TENM2: variants seen among roughly 807,000 people sequenced by gnomAD.
The protein encoded by TENM2 is teneurin-2.
TENM2 carries 52 observed loss-of-function variants against 245.2 expected under a neutral mutation model. That is an observed-to-expected ratio of 0.21 (90% CI 0.17 to 0.27). The LOEUF (loss-of-function observed/expected upper bound fraction) is 0.27. Ranked by LOEUF, TENM2 falls within the 10% of genes least tolerant of loss-of-function variation. The probability of loss-of-function intolerance (pLI) is 1.00; values close to 1 mark genes in which losing one functional copy is unlikely to be tolerated. For synonymous variants in TENM2, 1,363 were observed against 1,438.9 expected (o/e 0.95, Z 1.19); for missense variants, 3,046 against 3,666.8 (o/e 0.83, Z 4.37).
chr5:167,134,075 G>T, the TENM2 span, among the ~76,000 whole-genome samples: 1 of 152,066 alleles, frequency 6.6e-6, no homozygotes. Context: ...AGTCATCAAA[G>T]ATAATAGTGC....
chr5:167,406,871 A>AC (rs911287841), intron 2 of TENM2, among the ~76,000 whole-genome samples: 2 of 152,172 alleles, frequency 1.3e-5, no homozygotes, highest in African/African-American at 4.8e-5. Flanking sequence ...CATTTTAATT[A>AC]CCAGGCCACT....
At chr5:167,264,678 C>T in the TENM2 span, among the ~76,000 whole-genome samples, 3 of 152,148 alleles carry the variant, frequency 2.0e-5, no homozygotes, top group Admixed American at 1.3e-4. Context: ...TATTTTTATG[C>T]GTCCGCTGCC....
rs545637401 is a variant in TENM2, at chr5:168,063,040, T to C, written c.1515+775T>C. On this transcript the variant is annotated intron_variant, in intron 7 of 28. Transcript: ENST00000518659. ...TCGTATGAATTTTATCTCCAAAAAATAAATGCTAATATCCCAACCTGATGA... is the reference window on the plus strand; with the variant it reads ...TCGTATGAATTTTATCTCCAAAAAACAAATGCTAATATCCCAACCTGATGA... Among the ~76,000 whole-genome samples, 290 of 152,300 alleles carry C rather than the reference T, an allele frequency of 1.9e-3. 3 individuals carry two copies. The highest frequency in any genetic ancestry group is 5.7e-3 in the African/African-American group (235 of 41,572).
the TENM2 span, among the ~76,000 whole-genome samples, chr5:166,980,240 T>C: frequency 6.6e-6 from 1 of 152,172 alleles, no homozygotes; most frequent in Non-Finnish European, 1.5e-5. Flanking sequence ...AATTTAGGGC[T>C]ATGGAGAAAG....
Position 167,350,993 on chromosome 5 carries a change from TGGATTATATAC to T in TENM2, c.227-24204_227-24194del, listed in dbSNP as rs1214036921. On this transcript the variant is annotated intron_variant, in intron 1 of 28. Transcript: ENST00000518659. ...GGGTATATACATATGGATATATATA[TGGATTATATAC>T]ATATGGATATATATATATGGGATAT... Among the ~76,000 whole-genome samples, 743 of 93,342 alleles carry T rather than the reference TGGATTATATAC, an allele frequency of 8.0e-3. 8 individuals are homozygous for T. Among genetic ancestry groups the T allele is most frequent in the Non-Finnish European group, 0.012 (531 of 43,108 alleles). 61.2% of individuals were successfully genotyped at this position (93,342 alleles called of 152,430 possible).
At chr5:168,151,287 C>T (rs922099516) in intron 12 of TENM2, among the ~76,000 whole-genome samples, 2 of 152,196 alleles carry the variant, frequency 1.3e-5, no homozygotes, top group Non-Finnish European at 2.9e-5. Context: ...TTTTCATTTA[C>T]GTCTTTGGAG....
chr5:168,143,123 A>C lies in TENM2; in HGVS notation c.2422+16157A>C, dbSNP rs141462251. ...AGCCAAGGGGCTCACCAAGTAAATA[A>C]AGGGTTTCTCTTGAGTTTTGGAGCA... is the stretch of plus-strand genomic sequence containing the variant. On this transcript the variant is annotated intron_variant, in intron 12 of 28. Transcript: ENST00000518659. Among the ~76,000 whole-genome samples, 256 of 152,202 alleles carry C rather than the reference A, an allele frequency of 1.7e-3. 1 individual carries two copies. The highest frequency in any genetic ancestry group is 0.01 in the Middle Eastern group (3 of 294).
At chr5:168,058,772 C>T (rs554017440) in intron 6 of TENM2, among the ~76,000 whole-genome samples, 46 of 152,332 alleles carry the variant, frequency 3.0e-4, no homozygotes, top group Non-Finnish European at 6.0e-4. Context: ...TGCTTTCCCA[C>T]ATAGTTTTTC....
intron 2 of TENM2, among the ~76,000 whole-genome samples, chr5:167,526,648 T>C (rs182873822): frequency 1.2e-4 from 19 of 152,264 alleles, no homozygotes; most frequent in African/African-American, 4.6e-4. Flanking sequence ...TACATGCCAG[T>C]ATATTAATAC....
intron 2 of TENM2, among the ~76,000 whole-genome samples, chr5:167,382,450 T>A (rs1442381110): frequency 6.6e-6 from 1 of 152,128 alleles, no homozygotes; most frequent in Non-Finnish European, 1.5e-5. Flanking sequence ...ACAGCGAGTG[T>A]TCCACAAACC....
intron 12 of TENM2, among the ~76,000 whole-genome samples, chr5:168,144,190 A>G (rs1307705800): frequency 2.0e-5 from 3 of 147,696 alleles, no homozygotes; most frequent in Non-Finnish European, 4.5e-5. Context: ...TTTTTTTTTT[A>G]TTATTATACT....
At chr5:167,442,527 T>C (rs1764930886) in intron 2 of TENM2, among the ~76,000 whole-genome samples, 1 of 152,094 alleles carries the variant, frequency 6.6e-6, no homozygotes, top group Non-Finnish European at 1.5e-5. Flanking sequence ...CCCATGATCT[T>C]ACCAACACTT....
rs564733061 is a variant in TENM2 at position 167,454,952 on chromosome 5, C to T, written c.502+79479C>T. ...TGCTTCTTCAAGGGGAAGTGAAATG[C>T]TGTTACCAGAAATAAGGGAGAGAGT... On this transcript the variant is annotated intron_variant, in intron 2 of 28. Transcript: ENST00000518659. Among the ~76,000 whole-genome samples the T allele has an allele frequency of 3.3e-5, 5 of 152,296 alleles. 1 individual carries two copies. The South Asian group carries it at 8.3e-4, about 25-fold the overall frequency.
the TENM2 span, among the ~76,000 whole-genome samples, chr5:167,123,306 C>T: frequency 2.0e-5 from 3 of 152,104 alleles, no homozygotes. Flanking sequence ...GGGCTTAGAG[C>T]AATAGAGCAA....
the TENM2 span, among the ~76,000 whole-genome samples, chr5:167,108,228 T>G: frequency 6.6e-6 from 1 of 152,084 alleles, no homozygotes; most frequent in Non-Finnish European, 1.5e-5. Context: ...CAGGTTCAAG[T>G]GATTCTCATG....
chr5:167,374,761 C>T (rs988660136), intron 1 of TENM2, among the ~76,000 whole-genome samples: 2 of 151,948 alleles, frequency 1.3e-5, no homozygotes, highest in East Asian at 3.9e-4. Context: ...ATCCTCTGGT[C>T]CCCGGTTTCC....
intron 2 of TENM2, among the ~76,000 whole-genome samples, chr5:167,722,561 G>A (rs145750586): frequency 4.6e-5 from 7 of 152,174 alleles, no homozygotes; most frequent in East Asian, 1.9e-4. Context: ...AGATCATGAC[G>A]TCAGGAGATC....
chr5:168,055,870 G>A (rs185568783), intron 6 of TENM2, among the ~76,000 whole-genome samples: 1 of 152,310 alleles, frequency 6.6e-6, no homozygotes, highest in African/African-American at 2.4e-5. Context: ...TCAGAGCTGG[G>A]ATTCAAACCC....
chr5:167,197,362 A>G, the TENM2 span, among the ~76,000 whole-genome samples: 1 of 152,078 alleles, frequency 6.6e-6, no homozygotes, highest in South Asian at 2.1e-4. Context: ...CCTAATCCAT[A>G]TGACTTGTTC....
Sources: gnomAD v4.1 joint callset for allele counts (sites outside exome capture counted in the v4.1 genomes callset) on GRCh38, gnomAD v4.1.1 for gene constraint, MANE v1.5 for transcripts, NCBI Gene and HGNC (gene_info 2026-07-23, HGNC 2026-07-21) for gene names.